The following BMPR1A variants were observed in gnomAD, a reference collection of about 807,000 sequenced individuals.
BMPR1A encodes the protein bone morphogenetic protein receptor type-1A.
In BMPR1A, 7 loss-of-function variants were observed where a neutral mutation model predicts 66.0. The ratio of observed to expected loss-of-function variants is 0.11; its 90% CI spans 0.06 to 0.20. The LOEUF (loss-of-function observed/expected upper bound fraction) is 0.20. Ranked by LOEUF, BMPR1A falls within the 10% of genes least tolerant of loss-of-function variation. The probability of loss-of-function intolerance (pLI) is 1.00; values close to 1 mark genes in which losing one functional copy is unlikely to be tolerated. For missense variants in BMPR1A, 408 were observed against 669.1 expected (o/e 0.61, Z 4.31); for synonymous variants, 200 against 229.7 (o/e 0.87, Z 1.17).
At position 86,914,257 on chromosome 10, in the gene BMPR1A, A is replaced by G. The variant is rs1253192004; in HGVS notation, c.675+1873A>G. 2.6e-5 allele frequency among the ~76,000 whole-genome samples: 4 copies of G among 152,238 alleles called. No individual in the cohort carries two copies. The East Asian group carries it at 7.7e-4, about 29-fold the overall frequency. On this transcript the variant is annotated intron_variant, in intron 8 of 12. Coordinates refer to ENST00000372037, the MANE Select transcript of BMPR1A (RefSeq NM_004329.3). ...TTACCTCCTCACTCTATACCAAATT[A>G]ACTTGAAATGTAGCATAGACCTAAA...
intron 1 of BMPR1A, among the ~76,000 whole-genome samples, chr10:86,819,972 G>A (rs1842097365): frequency 6.6e-6 from 1 of 152,208 alleles, no homozygotes; most frequent in Non-Finnish European, 1.5e-5. Context: ...GAATCCAGTT[G>A]CTTTCTAGCA....
intron 1 of BMPR1A, among the ~76,000 whole-genome samples, chr10:86,811,395 T>G (rs1406643116): frequency 6.6e-6 from 1 of 152,176 alleles, no homozygotes; most frequent in African/African-American, 2.4e-5. Context: ...TTCCCTTTGT[T>G]GCTTGTATTT....
intron 1 of BMPR1A, among the ~76,000 whole-genome samples, chr10:86,760,944 T>C (rs1841045718): frequency 6.6e-6 from 1 of 152,218 alleles, no homozygotes; most frequent in African/African-American, 2.4e-5. Flanking sequence ...ACTTAAAATA[T>C]GCTTCTAGTT....
chr10:86,880,552 T>G (rs1564711808), intron 3 of BMPR1A, among the ~76,000 whole-genome samples: 1 of 152,238 alleles, frequency 6.6e-6, no homozygotes, highest in Non-Finnish European at 1.5e-5. Flanking sequence ...CACCGTGTAC[T>G]CACTCAGTAC....
At chr10:86,873,003 A>G (rs1309777128) in intron 2 of BMPR1A, among the ~76,000 whole-genome samples, 1 of 152,204 alleles carries the variant, frequency 6.6e-6, no homozygotes, top group African/African-American at 2.4e-5. Context: ...CCAGGGTAGC[A>G]GGGTCGTGGA....
At chr10:86,890,249 T>C in intron 4 of BMPR1A, 25 bp downstream of exon 4, 1 of 1,612,630 alleles carries the variant, frequency 6.2e-7, no homozygotes, top group African/African-American at 1.3e-5. Flanking sequence ...CAGCCCTTCT[T>C]AAGAGTTAGG....
chr10:86,805,655 G>A (rs1300801959), intron 1 of BMPR1A, among the ~76,000 whole-genome samples: 1 of 151,864 alleles, frequency 6.6e-6, no homozygotes, highest in African/African-American at 2.4e-5. Context: ...TAGAGACGGG[G>A]TTTTGCCATG....
intron 2 of BMPR1A, among the ~76,000 whole-genome samples, chr10:86,863,830 G>T (rs988404018): frequency 6.6e-6 from 1 of 151,916 alleles, no homozygotes; most frequent in African/African-American, 2.4e-5. Context: ...GGAAATCTTT[G>T]TACCCTGAAT....
At chr10:86,763,145 C>A (rs991286873) in intron 1 of BMPR1A, among the ~76,000 whole-genome samples, 1 of 151,656 alleles carries the variant, frequency 6.6e-6, no homozygotes, top group Admixed American at 6.6e-5. Flanking sequence ...CCGCCCACCT[C>A]GGCCTCCCAA....
At chr10:86,820,974 C>T (rs1349292713) in intron 1 of BMPR1A, among the ~76,000 whole-genome samples, 1 of 152,192 alleles carries the variant, frequency 6.6e-6, no homozygotes, top group Non-Finnish European at 1.5e-5. Context: ...CAATTATCAA[C>T]TGTAATACCA....
At chr10:86,906,970 A>G (rs1483508028) in intron 7 of BMPR1A, among the ~76,000 whole-genome samples, 2 of 151,278 alleles carry the variant, frequency 1.3e-5, no homozygotes, top group Non-Finnish European at 2.9e-5. Context: ...TGAGCTGTGT[A>G]TTGTTGAGCT....
chr10:86,840,634 C>A (rs1842413692), intron 2 of BMPR1A, among the ~76,000 whole-genome samples: 1 of 152,104 alleles, frequency 6.6e-6, no homozygotes, highest in Admixed American at 6.6e-5. Context: ...GCTTCAGGCC[C>A]ATATTTTCAT....
At chr10:86,757,075 TG>T (rs1847883569) in intron 1 of BMPR1A, among the ~76,000 whole-genome samples, 156 bp downstream of exon 1, 1 of 150,314 alleles carries the variant, frequency 6.7e-6, no homozygotes, top group African/African-American at 2.4e-5. Context: ...CGGCGCGCGC[TG>T]GGCCGGGACC....
At chr10:86,859,466 A>C (rs1477464661) in intron 2 of BMPR1A, among the ~76,000 whole-genome samples, 1 of 151,904 alleles carries the variant, frequency 6.6e-6, no homozygotes, top group Non-Finnish European at 1.5e-5. Flanking sequence ...ATTAGCGCCC[A>C]GCTAAATACT....
chr10:86,863,602 A>G (rs1288489850), intron 2 of BMPR1A, among the ~76,000 whole-genome samples: 1 of 152,120 alleles, frequency 6.6e-6, no homozygotes, highest in Non-Finnish European at 1.5e-5. Context: ...GGCTTCTTTC[A>G]GTCTCCTGGC....
At chr10:86,867,462 C>G (rs565136951) in intron 2 of BMPR1A, among the ~76,000 whole-genome samples, 5 of 152,174 alleles carry the variant, frequency 3.3e-5, no homozygotes, top group Non-Finnish European at 7.4e-5. Context: ...GTCATTTCTG[C>G]GTGTTCTAGA....
chr10:86,899,148 A>C (rs1006734937), intron 5 of BMPR1A, among the ~76,000 whole-genome samples: 2 of 152,228 alleles, frequency 1.3e-5, no homozygotes, highest in East Asian at 3.8e-4. Context: ...GCAGCATTCA[A>C]CTTGTCAGAT....
chr10:86,921,567 A>G lies in BMPR1A; in HGVS notation c.1214A>G (p.Lys405Arg), dbSNP rs1064795593. The G allele has an allele frequency of 1.2e-6, 2 of 1,614,124 alleles. No homozygotes were observed. Among genetic ancestry groups the G allele is most frequent in the Non-Finnish European group, 1.7e-6 (2 of 1,180,002 alleles). Residue 405 changes from lysine (K) to arginine (R), a missense_variant, in exon 11 of 13, where the codon AAA becomes AGA. Physicochemically the swap from Lys to Arg is conservative, Grantham distance 26. Coordinates refer to ENST00000372037, the MANE Select transcript of BMPR1A (RefSeq NM_004329.3). ...CCCTTGAATACCAGGGTGGGCACCA[A>G]ACGCTACATGGCTCCCGAAGTGCTG... ...DVPLNTRVGT[K>R]RYMAPEVLDE...
intron 1 of BMPR1A, among the ~76,000 whole-genome samples, chr10:86,757,416 A>C (rs375978604): frequency 6.6e-6 from 1 of 151,972 alleles, no homozygotes; most frequent in African/African-American, 2.4e-5. Flanking sequence ...GAGCTGCTTC[A>C]CCTGTTGTCC....
Sources: allele counts gnomAD v4.1 joint callset (sites outside exome capture counted in the v4.1 genomes callset), GRCh38; gene constraint gnomAD v4.1.1; transcripts MANE v1.5; gene names NCBI Gene and HGNC (gene_info 2026-07-23, HGNC 2026-07-21).